MCU: variants seen among roughly 807,000 people sequenced by gnomAD.
MCU encodes the protein calcium uniporter protein, mitochondrial.
In MCU, 12 loss-of-function variants were observed where a neutral mutation model predicts 45.2. The observed-to-expected ratio is 0.27, with a 90% CI of 0.17 to 0.43. The LOEUF (loss-of-function observed/expected upper bound fraction) is 0.43, where lower values mean the gene tolerates loss of function less well. Ranked by LOEUF, MCU falls within the 20% of genes least tolerant of loss-of-function variation. MCU has a pLI of 1.00. For synonymous variants in MCU, 160 were observed against 165.1 expected (o/e 0.97, Z 0.24); for missense variants, 324 against 436.7 (o/e 0.74, Z 2.30).
At chr10:72,723,537 A>T (rs746959061) in intron 1 of MCU, among the ~76,000 whole-genome samples, 36 of 152,192 alleles carry the variant, frequency 2.4e-4, no homozygotes, top group Non-Finnish European at 4.4e-4. Flanking sequence ...TGATAAAAGA[A>T]TAGGTCATCT....
intron 1 of MCU, among the ~76,000 whole-genome samples, chr10:72,786,285 A>G (rs1044635542): frequency 6.6e-6 from 1 of 152,198 alleles, no homozygotes; most frequent in Non-Finnish European, 1.5e-5. Context: ...TTTGTTACCT[A>G]AAAATGAGTC....
intron 1 of MCU, among the ~76,000 whole-genome samples, chr10:72,745,903 A>C (rs1843409048): frequency 6.6e-6 from 1 of 152,162 alleles, no homozygotes; most frequent in South Asian, 2.1e-4. Flanking sequence ...TGTATAGTTC[A>C]TTGACATTAA....
chr10:72,782,980 A>G (rs889782764), intron 1 of MCU, among the ~76,000 whole-genome samples: 3 of 152,226 alleles, frequency 2.0e-5, no homozygotes, highest in Admixed American at 1.3e-4. Flanking sequence ...AGGCTTAAAT[A>G]TGAGAGCTTA....
chr10:72,729,149 A>G (rs1843137927), intron 1 of MCU, among the ~76,000 whole-genome samples: 1 of 152,204 alleles, frequency 6.6e-6, no homozygotes, highest in African/African-American at 2.4e-5. Context: ...GAAGAATAGC[A>G]TTATATAGTA....
At chr10:72,802,409 TAA>T (rs369833125) in intron 1 of MCU, among the ~76,000 whole-genome samples, 85 of 136,294 alleles carry the variant, frequency 6.2e-4, no homozygotes, top group African/African-American at 8.7e-4. Context: ...GAGCTTTCTT[TAA>T]AAAAAAAAAA....
intron 6 of MCU, among the ~76,000 whole-genome samples, chr10:72,879,666 A>G (rs1845671220): frequency 6.6e-6 from 1 of 152,258 alleles, no homozygotes; most frequent in African/African-American, 2.4e-5. Context: ...CAAAAATGGT[A>G]AACCTGTGAG....
chr10:72,717,690 G>A (rs1216542826), intron 1 of MCU, among the ~76,000 whole-genome samples: 4 of 152,168 alleles, frequency 2.6e-5, no homozygotes, highest in African/African-American at 9.7e-5. Context: ...AATTGGCATA[G>A]ATAGAATGCT....
chr10:72,701,557 T>TA (rs1160043042), intron 1 of MCU, among the ~76,000 whole-genome samples: 5 of 152,214 alleles, frequency 3.3e-5, no homozygotes, highest in African/African-American at 1.2e-4. Flanking sequence ...GACGGAGTCT[T>TA]ACTCTGTCGC....
intron 2 of MCU, among the ~76,000 whole-genome samples, chr10:72,846,009 C>A (rs146488291): frequency 6.6e-6 from 1 of 152,178 alleles, no homozygotes; most frequent in East Asian, 1.9e-4. Context: ...CACAGGCAAC[C>A]GCAGTCTGAA....
In MCU at chr10:72,692,182, C is replaced by T; in HGVS notation, c.31C>T (p.Leu11=). 3.1e-6 allele frequency: 4 copies of T among 1,281,800 alleles called. No individual in the cohort carries two copies. Among genetic ancestry groups the T allele is most frequent in the Non-Finnish European group, 3.0e-6 (3 of 1,007,268 alleles). The allele number at this position is 1,281,800 out of a possible 1,614,324, so 79.4% of individuals were successfully genotyped here. The change falls in exon 1 of 8, where the codon CTG becomes TTG. Residue 11 remains leucine, a synonymous_variant. Transcript: ENST00000373053. The part of the protein sequence containing the change: MAAAAGRSLL[L]LLSSRGGGGG... ...GGCCGCCGCAGGTAGATCGCTCCTG[C>T]TGCTCCTCTCCTCTCGGGGCGGCGG...
At chr10:72,708,002 A>G (rs537893887) in intron 1 of MCU, among the ~76,000 whole-genome samples, 115 of 152,256 alleles carry the variant, frequency 7.6e-4, no homozygotes, top group African/African-American at 2.5e-3. Flanking sequence ...ATTATAAAAC[A>G]TGTTGTATTT....
intron 1 of MCU, among the ~76,000 whole-genome samples, chr10:72,781,762 CT>C: frequency 6.6e-6 from 1 of 151,590 alleles, no homozygotes. Context: ...TATGTTATTT[CT>C]TTTTTTTTCT....
intron 1 of MCU, among the ~76,000 whole-genome samples, chr10:72,766,048 G>A (rs1231199821): frequency 3.3e-5 from 5 of 151,956 alleles, no homozygotes; most frequent in East Asian, 1.9e-4. Flanking sequence ...TAAATTTTTT[G>A]TAGAGATGTG....
At position 72,868,730 on chromosome 10, in the gene MCU, C is replaced by T. The variant is rs140182415; in HGVS notation, c.524C>T (p.Thr175Met). ...RDLLSHENAA[T>M]LNDVKTLVQQ... is the part of the protein sequence containing the mutation. ...CTCTTAAGTCATGAAAATGCAGCAACGCTGAATGATGTAAAGACATTGGTC... is the reference window on the plus strand; with the variant it reads ...CTCTTAAGTCATGAAAATGCAGCAATGCTGAATGATGTAAAGACATTGGTC... The change falls in exon 5 of 8, where the codon ACG becomes ATG. Residue 175 changes from threonine to methionine, a missense_variant. By Grantham distance (81) the Thr-to-Met change is moderately conservative. Around this residue, in one of 4 missense-constraint regions of MCU, gnomAD observed 135 missense variants for 207.3 expected, o/e 0.65. Coordinates refer to ENST00000373053, the MANE Select transcript of MCU (RefSeq NM_138357.3). 1.1e-5 allele frequency: 18 copies of T among 1,613,896 alleles called. No individual in the cohort carries two copies. Among genetic ancestry groups the T allele is most frequent in the Middle Eastern group, 1.7e-4 (1 of 6,060 alleles).
chr10:72,770,636 T>G (rs911139271), intron 1 of MCU, among the ~76,000 whole-genome samples: 1 of 152,104 alleles, frequency 6.6e-6, no homozygotes, highest in Non-Finnish European at 1.5e-5. Flanking sequence ...ATATTCACCT[T>G]CTTATTTACC....
chr10:72,702,946 C>A (rs1430116431), intron 1 of MCU, among the ~76,000 whole-genome samples: 1 of 151,570 alleles, frequency 6.6e-6, no homozygotes, highest in Non-Finnish European at 1.5e-5. Flanking sequence ...CCATTGCACC[C>A]CAGCCTGGAC....
chr10:72,820,512 A>ATT (rs532330921), intron 1 of MCU, among the ~76,000 whole-genome samples: 1 of 139,638 alleles, frequency 7.2e-6, no homozygotes. Context: ...TTTGATTAGT[A>ATT]TTTTTTTTTT....
chr10:72,731,401 C>T (rs1843171810), intron 1 of MCU, among the ~76,000 whole-genome samples: 1 of 152,174 alleles, frequency 6.6e-6, no homozygotes, highest in African/African-American at 2.4e-5. Flanking sequence ...CTGTCCTTAA[C>T]TTCAGTGTCA....
intron 1 of MCU, among the ~76,000 whole-genome samples, chr10:72,697,799 G>A (rs1296118147): frequency 6.6e-6 from 1 of 152,000 alleles, no homozygotes; most frequent in Admixed American, 6.6e-5. Flanking sequence ...AGACAGTCTT[G>A]TTCTCTTAAC....
Sources: allele counts gnomAD v4.1 joint callset (sites outside exome capture counted in the v4.1 genomes callset), GRCh38; gene constraint gnomAD v4.1.1; regional missense constraint gnomAD v4.1.1; transcripts MANE v1.5; gene names NCBI Gene and HGNC (gene_info 2026-07-23, HGNC 2026-07-21).